Variants in DPP10 observed in about 807,000 individuals in gnomAD.
DPP10 encodes dipeptidyl peptidase like 10.
A neutral mutation model predicts 120.9 loss-of-function variants in DPP10; 33 were observed. The observed-to-expected ratio is 0.27, with a 90% CI of 0.21 to 0.37. The LOEUF is 0.37. DPP10 is among the 10% of genes least tolerant of loss of function. DPP10 has a pLI of 1.00. For missense variants in DPP10, 816 were observed against 942.8 expected (o/e 0.87, Z 1.76); for synonymous variants, 337 against 326.1 (o/e 1.03, Z -0.36).
At chr2:115,007,660 T>C (rs1427477760) in intron 1 of DPP10, among the ~76,000 whole-genome samples, 2 of 151,718 alleles carry the variant, frequency 1.3e-5, no homozygotes, top group African/African-American at 2.4e-5. Context: ...GACGACATGA[T>C]TGTATATCTA....
At chr2:115,233,710 C>A (rs1219035284) in intron 1 of DPP10, among the ~76,000 whole-genome samples, 1 of 152,172 alleles carries the variant, frequency 6.6e-6, no homozygotes, top group African/African-American at 2.4e-5. Flanking sequence ...GAGTCTGCCA[C>A]AATAAAAATT....
intron 1 of DPP10, among the ~76,000 whole-genome samples, chr2:115,128,784 T>A (rs936506085): frequency 6.6e-6 from 1 of 152,228 alleles, no homozygotes; most frequent in African/African-American, 2.4e-5. Context: ...CAGTTCATAA[T>A]ATAGTTTTAT....
intron 1 of DPP10, among the ~76,000 whole-genome samples, chr2:115,146,061 T>C (rs1326919031): frequency 1.3e-5 from 2 of 152,070 alleles, no homozygotes; most frequent in African/African-American, 4.8e-5. Flanking sequence ...TTATTATGCA[T>C]TTTCAGGAAA....
intron 3 of DPP10, among the ~76,000 whole-genome samples, chr2:115,493,255 A>G (rs1447464362): frequency 6.6e-6 from 1 of 152,086 alleles, no homozygotes; most frequent in Non-Finnish European, 1.5e-5. Flanking sequence ...ATAAAGAACA[A>G]TATAAATATA....
In DPP10 at chr2:114,565,289, G is replaced by C. The variant is rs535220321; in HGVS notation, c.60+122451G>C. Among the ~76,000 whole-genome samples the C allele has an allele frequency of 7.9e-5, 12 of 152,310 alleles. No homozygotes were observed. The East Asian group carries it at 2.3e-3, about 29-fold the overall frequency. On this transcript the variant is annotated intron_variant, in intron 1 of 25. Transcript: ENST00000410059. Reference sequence around the variant, plus strand: ...TTTAGGCCTCAAAATGCCTGGTATAGTGCGTGACATGAAATAAGTCCTCAG... The same window carrying C: ...TTTAGGCCTCAAAATGCCTGGTATACTGCGTGACATGAAATAAGTCCTCAG...
intron 3 of DPP10, among the ~76,000 whole-genome samples, chr2:115,494,232 G>A (rs529150206): frequency 1.1e-4 from 17 of 152,170 alleles, no homozygotes; most frequent in African/African-American, 2.6e-4. Flanking sequence ...ATGAGCCACC[G>A]TGCATGTACT....
Position 115,791,339 on chromosome 2 carries a change from T to C in DPP10, c.1683T>C (p.Tyr561=). ...AAGATTTTATGGACCGAAACCAGTA[T>C]GCTCTTCTGTTAATAATGTAAGTAT... ...LPKDFMDRNQ[Y]ALLLIMDEEP... is the part of the protein sequence containing the mutation. The change falls in exon 19 of 26, where the codon TAT becomes TAC. Residue 561 remains tyrosine, a synonymous_variant. Transcript: ENST00000410059. The C allele has an allele frequency of 6.2e-7, 1 of 1,608,282 alleles. No individual in the cohort carries two copies. Among genetic ancestry groups the C allele is most frequent in the South Asian group, 1.1e-5 (1 of 89,276 alleles).
chr2:114,804,065 C>T (rs1309831886), intron 1 of DPP10, among the ~76,000 whole-genome samples: 4 of 152,182 alleles, frequency 2.6e-5, no homozygotes, highest in East Asian at 1.9e-4. Context: ...CTGTGTCCCA[C>T]CTGCTCCAGC....
intron 1 of DPP10, among the ~76,000 whole-genome samples, chr2:114,515,137 A>G (rs1480595801): frequency 6.6e-6 from 1 of 152,204 alleles, no homozygotes; most frequent in African/African-American, 2.4e-5. Flanking sequence ...ATTTATCACC[A>G]AGACAATTTC....
intron 5 of DPP10, among the ~76,000 whole-genome samples, chr2:115,542,988 T>C (rs1010069421): frequency 6.6e-6 from 1 of 151,976 alleles, no homozygotes; most frequent in Non-Finnish European, 1.5e-5. Flanking sequence ...TACGAAATGT[T>C]GTGTCAGTGT....
At chr2:115,331,817 C>T (rs1238950070) in intron 2 of DPP10, among the ~76,000 whole-genome samples, 22 of 152,156 alleles carry the variant, frequency 1.4e-4, no homozygotes, top group East Asian at 9.7e-4. Flanking sequence ...CTGCTGGATT[C>T]GGTTTGCCAG....
intron 5 of DPP10, among the ~76,000 whole-genome samples, chr2:115,584,244 C>T (rs1361834129): frequency 6.6e-6 from 1 of 152,116 alleles, no homozygotes; most frequent in African/African-American, 2.4e-5. Flanking sequence ...AAATGGAAAG[C>T]CATTATCACT....
At chr2:115,189,960 C>G (rs2054750149) in intron 1 of DPP10, among the ~76,000 whole-genome samples, 2 of 152,076 alleles carry the variant, frequency 1.3e-5, no homozygotes, top group Non-Finnish European at 2.9e-5. Flanking sequence ...CTTGCAATGC[C>G]TTTGTTATAC....
Position 115,824,736 on chromosome 2 carries a change from G to A in DPP10, c.1950+9007G>A, listed in dbSNP as rs1688146640. Among the ~76,000 whole-genome samples the A allele has an allele frequency of 3.3e-5, 5 of 152,206 alleles. 1 individual carries two copies. The South Asian group carries it at 1.0e-3, about 32-fold the overall frequency. The stretch of plus-strand genomic sequence containing the variant: ...CAGTCTATCATTGATGGGCATTTGG[G>A]TTGGTTCCAAATCTTTCTAATCCAT... On this transcript the variant is annotated intron_variant, in intron 21 of 25. Transcript: ENST00000410059.
At position 114,536,432 on chromosome 2, in the gene DPP10, G is replaced by A. The variant is rs1686501786; in HGVS notation, c.60+93594G>A. On this transcript the variant is annotated intron_variant, in intron 1 of 25. Coordinates refer to ENST00000410059, the MANE Select transcript of DPP10 (RefSeq NM_020868.6). ...TCTTTTTTTTTTTTTTTGAGACGTAGTCTCGCTCTGTCACCCCGGCTGGAG... is the reference window on the plus strand; with the variant it reads ...TCTTTTTTTTTTTTTTTGAGACGTAATCTCGCTCTGTCACCCCGGCTGGAG... Among the ~76,000 whole-genome samples the A allele has an allele frequency of 1.7e-5, 2 of 119,058 alleles. 1 individual carries two copies. Among genetic ancestry groups the A allele is most frequent in the South Asian group, 5.2e-4 (2 of 3,866 alleles). The allele number at this position is 119,058 out of a possible 152,430, so 78.1% of individuals were successfully genotyped here.
chr2:115,457,856 C>T lies in DPP10; in HGVS notation c.272-41654C>T, dbSNP rs1168882955. Among the ~76,000 whole-genome samples, 8 of 152,130 alleles carry T rather than the reference C, an allele frequency of 5.3e-5. No homozygotes were observed. In the East Asian group the frequency reaches 9.7e-4, roughly 18 times the overall value. On this transcript the variant is annotated intron_variant, in intron 3 of 25. Coordinates refer to ENST00000410059, the MANE Select transcript of DPP10 (RefSeq NM_020868.6). ...ACATACAGCTATGCAAAATCTTGTA[C>T]AGGAATGTTTATGACAACATTCTTT...
intron 1 of DPP10, among the ~76,000 whole-genome samples, chr2:114,650,474 G>T (rs1558967494): frequency 1.3e-5 from 2 of 152,138 alleles, no homozygotes; most frequent in African/African-American, 2.4e-5. Context: ...AACTATTGTT[G>T]TTCATGAACT....
At chr2:114,472,782 G>A (rs940449171) in intron 1 of DPP10, among the ~76,000 whole-genome samples, 2 of 152,180 alleles carry the variant, frequency 1.3e-5, no homozygotes, top group Non-Finnish European at 2.9e-5. Context: ...TATTTGTGAT[G>A]TGTTCTAGCA....
chr2:114,880,788 G>A (rs1436659156), intron 1 of DPP10, among the ~76,000 whole-genome samples: 2 of 152,144 alleles, frequency 1.3e-5, no homozygotes, highest in Non-Finnish European at 2.9e-5. Context: ...AAAAAATGCA[G>A]TAATATGAAT....
Sources: gnomAD v4.1 joint callset for allele counts (sites outside exome capture counted in the v4.1 genomes callset) on GRCh38, gnomAD v4.1.1 for gene constraint, MANE v1.5 for transcripts, NCBI Gene and HGNC (gene_info 2026-07-23, HGNC 2026-07-21) for gene names.